Variants in KCTD1 observed in about 807,000 individuals in gnomAD.
KCTD1 encodes the protein potassium channel tetramerization domain containing 1.
Under a neutral mutation model 66.0 loss-of-function variants are expected in KCTD1, and 24 were observed. That is an observed-to-expected ratio of 0.36 (90% CI 0.26 to 0.51). The LOEUF is 0.51. Ranked by LOEUF, KCTD1 falls within the 20% of genes least tolerant of loss-of-function variation. KCTD1 has a pLI of 0.95. For synonymous variants in KCTD1, 511 were observed against 517.2 expected (o/e 0.99, Z 0.16); for missense variants, 943 against 1,205.2 (o/e 0.78, Z 3.22).
intron 1 of KCTD1, among the ~76,000 whole-genome samples, chr18:26,646,133 C>G (rs1987922584): frequency 6.6e-6 from 1 of 152,100 alleles, no homozygotes; most frequent in Non-Finnish European, 1.5e-5. Context: ...TAACACTAGC[C>G]TAATTAATAC....
At chr18:26,594,009 AC>A (rs1986710169) in intron 1 of KCTD1, among the ~76,000 whole-genome samples, 1 of 152,202 alleles carries the variant, frequency 6.6e-6, no homozygotes, top group Non-Finnish European at 1.5e-5. Flanking sequence ...TAGAGGAAAT[AC>A]CCCAACCCCA....
chr18:26,593,415 A>G (rs1449932746), intron 1 of KCTD1, among the ~76,000 whole-genome samples: 182 of 41,148 alleles, frequency 4.4e-3, no homozygotes, highest in Middle Eastern at 0.011. Context: ...TGAGGAGGAG[A>G]AGGAAGAAGA....
intron 1 of KCTD1, among the ~76,000 whole-genome samples, chr18:26,528,516 C>A (rs375265888): frequency 4.6e-5 from 7 of 152,302 alleles, no homozygotes; most frequent in African/African-American, 1.7e-4. Flanking sequence ...TAAAAACGTA[C>A]GGGATCCACC....
At chr18:26,653,225 C>T (rs1026656081) in intron 1 of KCTD1, among the ~76,000 whole-genome samples, 2 of 152,234 alleles carry the variant, frequency 1.3e-5, no homozygotes, top group African/African-American at 4.8e-5. Context: ...GTGCCTGTCC[C>T]TGCAGTCTGC....
intron 1 of KCTD1, among the ~76,000 whole-genome samples, chr18:26,502,285 G>C (rs898527356): frequency 6.6e-6 from 1 of 152,126 alleles, no homozygotes; most frequent in Non-Finnish European, 1.5e-5. Flanking sequence ...TCCTGACCTC[G>C]TGATCCGCCC....
chr18:26,518,672 C>T (rs1199132327), intron 1 of KCTD1, among the ~76,000 whole-genome samples: 1 of 152,214 alleles, frequency 6.6e-6, no homozygotes, highest in Admixed American at 6.5e-5. Context: ...ACATGTTGCT[C>T]ACACACCATC....
intron 1 of KCTD1, among the ~76,000 whole-genome samples, chr18:26,620,977 C>T (rs545000631): frequency 1.3e-5 from 2 of 151,894 alleles, no homozygotes; most frequent in African/African-American, 2.4e-5. Context: ...GGACTACAGG[C>T]GCCCGCCACC....
intron 1 of KCTD1, among the ~76,000 whole-genome samples, chr18:26,565,356 C>T (rs1156527554): frequency 6.6e-6 from 1 of 152,174 alleles, no homozygotes; most frequent in East Asian, 1.9e-4. Flanking sequence ...TCTTTACATA[C>T]CATGTTATGG....
At chr18:26,584,590 TGG>T (rs1986431082) in intron 1 of KCTD1, among the ~76,000 whole-genome samples, 1 of 152,314 alleles carries the variant, frequency 6.6e-6, no homozygotes, top group African/African-American at 2.4e-5. Flanking sequence ...GGCATTGAGC[TGG>T]GTCCAGGAGG....
intron 2 of KCTD1, among the ~76,000 whole-genome samples, chr18:26,487,425 G>C (rs1458610710): frequency 1.7e-5 from 2 of 118,992 alleles, no homozygotes; most frequent in Non-Finnish European, 4.0e-5. Flanking sequence ...AACATTTTAA[G>C]AATGTCTAAT....
At chr18:26,631,626 T>C (rs1189094514), upstream of KCTD1, among the ~76,000 whole-genome samples, 2 of 152,192 alleles carry the variant, frequency 1.3e-5, no homozygotes, top group Non-Finnish European at 2.9e-5. Flanking sequence ...TAAAAGATTA[T>C]GAGGAATTAG....
intron 1 of KCTD1, among the ~76,000 whole-genome samples, chr18:26,540,331 C>A (rs919307308): frequency 6.6e-6 from 1 of 152,232 alleles, no homozygotes; most frequent in Non-Finnish European, 1.5e-5. Context: ...CTTAAATCTG[C>A]CAGCCTCTTC....
At chr18:26,655,941 T>C (rs1173104857) in intron 1 of KCTD1, 4 of 152,030 alleles carry the variant, frequency 2.6e-5, no homozygotes, top group Non-Finnish European at 5.9e-5. Flanking sequence ...CCCCGTTCTT[T>C]TTCCAGGAGG....
At chr18:26,608,686 A>G (rs2144987403) in intron 1 of KCTD1, among the ~76,000 whole-genome samples, 1 of 152,288 alleles carries the variant, frequency 6.6e-6, no homozygotes, top group South Asian at 2.1e-4. Flanking sequence ...TGTATAATTA[A>G]TCACCTCCTA....
At chr18:26,656,531 C>A (rs950120424) in intron 1 of KCTD1, among the ~76,000 whole-genome samples, 2 of 151,894 alleles carry the variant, frequency 1.3e-5, no homozygotes, top group Non-Finnish European at 2.9e-5. Context: ...GAATCTGGAC[C>A]AGCCCGGCCG....
chr18:26,550,557 G>GACACAC (rs907937404), upstream of KCTD1, among the ~76,000 whole-genome samples: 82 of 83,674 alleles, frequency 9.8e-4, no homozygotes, highest in African/African-American at 4.4e-3. This position sits in a 1 kb window ranked among gnomAD's most constrained non-coding sequence, Gnocchi z 5.4. Flanking sequence ...GGAAACACAA[G>GACACAC]ACACACAGAC....
chr18:26,546,751 G>T lies in KCTD1; in HGVS notation c.1786C>A (p.Pro596Thr). The T allele has an allele frequency of 1.3e-6, 2 of 1,549,818 alleles. No individual in the cohort carries two copies. Among genetic ancestry groups the T allele is most frequent in the South Asian group, 1.2e-5 (1 of 83,672 alleles). The change falls in exon 1 of 5, where the codon CCT becomes ACT. Residue 596 changes from proline (P) to threonine (T), a missense_variant. Pro to Thr is a conservative substitution (Grantham distance 38). Coordinates refer to ENST00000580059, the MANE Select transcript of KCTD1 (RefSeq NM_001142730.3). ...RSTNSPTIVS[P>T]AIVSPTQDSR... ...ACCTGGGTGGGGGAAACAATAGCAG[G>T]TGAAACTATTGTGGGAGAATTGGTG...
At chr18:26,618,870 T>C (rs1436553949) in intron 1 of KCTD1, among the ~76,000 whole-genome samples, 2 of 152,230 alleles carry the variant, frequency 1.3e-5, no homozygotes. Flanking sequence ...GGTTGGATGT[T>C]TCCTTTCACA....
At chr18:26,563,681 C>T (rs1321099333) in intron 1 of KCTD1, among the ~76,000 whole-genome samples, 1 of 152,224 alleles carries the variant, frequency 6.6e-6, no homozygotes, top group Non-Finnish European at 1.5e-5. Flanking sequence ...GGCACTGCCA[C>T]TTATGTGTTG....
Sources: gnomAD v4.1 joint callset for allele counts (sites outside exome capture counted in the v4.1 genomes callset) on GRCh38, gnomAD v4.1.1 for gene constraint, Gnocchi (gnomAD v3.1) non-coding constraint, MANE v1.5 for transcripts, NCBI Gene and HGNC (gene_info 2026-07-23, HGNC 2026-07-21) for gene names.